MORC2: variants seen among roughly 807,000 people sequenced by gnomAD.
MORC2 encodes the protein ATPase MORC2.
Under a neutral mutation model 136.0 loss-of-function variants are expected in MORC2, and 30 were observed. That is an observed-to-expected ratio of 0.22 (90% CI 0.17 to 0.30). The LOEUF (loss-of-function observed/expected upper bound fraction) is 0.30. MORC2 is among the 10% of genes least tolerant of loss of function. The pLI, the probability that MORC2 is intolerant of heterozygous loss-of-function variation, is 1.00. For missense variants in MORC2, 922 were observed against 1,333.1 expected (o/e 0.69, Z 4.80); for synonymous variants, 439 against 487.0 (o/e 0.90, Z 1.30).
chr22:30,968,103 T>C lies in MORC2; in HGVS notation c.-214A>G, dbSNP rs2147338995. The C allele has an allele frequency of 1.9e-6, 1 of 537,928 alleles. No homozygotes were observed. The highest frequency in any genetic ancestry group is 3.3e-5 in the East Asian group (1 of 30,644). 33.3% of individuals were successfully genotyped at this position (537,928 alleles called of 1,614,324 possible). ...TTTTTTTAATCTTCTCAATGATTTA[T>C]GATGTAATATTTTGGAAGGAACTAT... On this transcript the variant is annotated 5_prime_UTR_variant, in exon 1 of 26. Transcript: ENST00000397641.
Position 30,937,097 on chromosome 22 carries a change from G to A in MORC2, c.1499-60C>T, listed in dbSNP as rs561792208. 1.8e-5 allele frequency: 24 copies of A among 1,300,734 alleles called. No homozygotes were observed. The highest frequency in any genetic ancestry group is 1.3e-4 in the Admixed American group (7 of 55,750). 80.6% of individuals were successfully genotyped at this position (1,300,734 alleles called of 1,614,324 possible). ...CGCCCACCAACTCTATCTGTAATCC[G>A]GGTTCCTCACAGGCCCACCACAATG... On this transcript the variant is annotated intron_variant, in intron 15 of 25. Transcript: ENST00000397641. This position sits in a 1 kb window ranked among gnomAD's most constrained non-coding sequence, Gnocchi z 4.7.
rs2040468008 is a variant in MORC2 at position 30,925,375 on chromosome 22, C to A, written c.*1428G>T. ...GTCTTCCAGCAGAAGAGGCCAGGGT[C>A]TCTCAGTGTACTACTCCAAACAGGC... On this transcript the variant is annotated 3_prime_UTR_variant, in exon 26 of 26. Coordinates refer to ENST00000397641, the MANE Select transcript of MORC2 (RefSeq NM_001303256.3). 1 of 230,118 alleles carries A rather than the reference C, an allele frequency of 4.3e-6. No individual in the cohort carries two copies. The highest frequency in any genetic ancestry group is 1.3e-4 in the East Asian group (1 of 7,844). 14.3% of individuals were successfully genotyped at this position (230,118 alleles called of 1,614,324 possible).
In MORC2 at chr22:30,937,457, A is replaced by G. The variant is rs2040670631; in HGVS notation, c.1498+126T>C. On this transcript the variant is annotated intron_variant, in intron 15 of 25. Coordinates refer to ENST00000397641, the MANE Select transcript of MORC2 (RefSeq NM_001303256.3). This position sits in a 1 kb window ranked among gnomAD's most constrained non-coding sequence, Gnocchi z 4.7. ...AGCTCACAGGGCCATCGTCAAACAG[A>G]CTTGGATCCCTAGGGGACTGTAAGT... The G allele has an allele frequency of 7.1e-7, 1 of 1,418,314 alleles. No homozygotes were observed. The highest frequency in any genetic ancestry group is 1.4e-5 in the African/African-American group (1 of 69,910). The allele number at this position is 1,418,314 out of a possible 1,614,324, so 87.9% of individuals were successfully genotyped here.
chr22:30,954,800 T>G (rs577549534), intron 3 of MORC2, among the ~76,000 whole-genome samples: 1 of 152,206 alleles, frequency 6.6e-6, no homozygotes, highest in Non-Finnish European at 1.5e-5. Flanking sequence ...TCAACATCAC[T>G]TGGAGAAGAG....
Position 30,929,223 on chromosome 22 carries a change from G to C in MORC2, c.2842-1016C>G, listed in dbSNP as rs1480904371. Among the ~76,000 whole-genome samples, 5 of 152,268 alleles carry C rather than the reference G, an allele frequency of 3.3e-5. No homozygotes were observed. The East Asian group carries it at 9.6e-4, about 29-fold the overall frequency. The stretch of plus-strand genomic sequence containing the variant: ...GCAATCTCCAAAGTATTAAAATTCA[G>C]TATACAACATCTTGAAAGTAGACAT... On this transcript the variant is annotated intron_variant, in intron 24 of 25. Coordinates refer to ENST00000397641, the MANE Select transcript of MORC2 (RefSeq NM_001303256.3).
In MORC2 at chr22:30,937,583, C is replaced by T. The variant is rs201852637; in HGVS notation, c.1498G>A (p.Asp500Asn). Residue 500 changes from aspartate to asparagine, a missense_variant and splice_region_variant, in exon 15 of 26, where the codon GAT (aspartate) becomes AAT (asparagine). Asp to Asn is a conservative substitution (Grantham distance 23). This residue lies in a region of MORC2 where 119 missense variants were observed against 202.7 expected (regional missense o/e 0.59). Coordinates refer to ENST00000397641, the MANE Select transcript of MORC2 (RefSeq NM_001303256.3). This position sits in a 1 kb window ranked among gnomAD's most constrained non-coding sequence, Gnocchi z 4.7. ...GGGGGGGTCCAACCACCCAACTCAC[C>T]GCACTGGATGGTGGTGGGGATTTCC... ...AMEIPTTIQC[D>N]LCLKWRTLPF... 2.5e-6 allele frequency: 4 copies of T among 1,612,420 alleles called. No individual in the cohort carries two copies. Among genetic ancestry groups the T allele is most frequent in the African/African-American group, 1.3e-5 (1 of 74,994 alleles).
Position 30,932,759 on chromosome 22 carries a change from C to T in MORC2, c.2533G>A (p.Gly845Ser). ...TTCATCAGCCGCACATCCTCACTGC[C>T]TTTCTCCACCCTGTGGAAGACACAC... ...TTPRDRWVEK[G>S]SEDVRLMKPP... Residue 845 changes from glycine (G) to serine (S), a missense_variant, in exon 23 of 26, where the codon GGC (glycine) becomes AGC (serine). By Grantham distance (56) the Gly-to-Ser change is moderately conservative. Transcript: ENST00000397641. This position sits in a 1 kb window ranked among gnomAD's most constrained non-coding sequence, Gnocchi z 4.4. The T allele has an allele frequency of 6.2e-7, 1 of 1,614,176 alleles. No individual in the cohort carries two copies. The highest frequency in any genetic ancestry group is 8.5e-7 in the Non-Finnish European group (1 of 1,180,014).
In MORC2 at chr22:30,934,324, A is replaced by C. The variant is rs1447318115; in HGVS notation, c.2194-133T>G. 10 of 1,334,136 alleles carry C rather than the reference A, an allele frequency of 7.5e-6. No homozygotes were observed. The African/African-American group carries it at 1.2e-4, about 16-fold the overall frequency. 82.6% of individuals were successfully genotyped at this position (1,334,136 alleles called of 1,614,324 possible). ...GCAATCCCTGCCTGACATTACTTGG[A>C]ATGTACACAGGCAACCCACTGGCCC... On this transcript the variant is annotated intron_variant, in intron 19 of 25. Transcript: ENST00000397641. The surrounding 1 kb of genome is among the most constrained non-coding windows in gnomAD (Gnocchi z 4.4).
intron 20 of MORC2, among the ~76,000 whole-genome samples, chr22:30,933,750 A>G (rs894250332): frequency 6.6e-6 from 1 of 152,172 alleles, no homozygotes; most frequent in Non-Finnish European, 1.5e-5. Context: ...TTCAAGCCTC[A>G]CTGATGTACG....
intron 10 of MORC2, 57 bp from the exon 11 acceptor site, chr22:30,940,098 C>A (rs2040720124): frequency 1.9e-6 from 3 of 1,548,928 alleles, no homozygotes; most frequent in Admixed American, 1.7e-5. Flanking sequence ...TCTTGGTCAT[C>A]CCTCCTGGAT....
Position 30,932,545 on chromosome 22 carries a change from C to G in MORC2, c.2747G>C (p.Arg916Pro). The change falls in exon 23 of 26, where the codon CGG becomes CCG. Residue 916 changes from arginine (R) to proline (P), a missense_variant and splice_region_variant. Around this residue, in one of 9 missense-constraint regions of MORC2, gnomAD observed 263 missense variants for 388.3 expected, o/e 0.68. Transcript: ENST00000397641. The surrounding 1 kb of genome is among the most constrained non-coding windows in gnomAD (Gnocchi z 4.4). ...GTGGGAAGACAAAAGACACATGTAC[C>G]GGAGGATCTGGACAAGCAGGTCGAT... is the stretch of plus-strand genomic sequence containing the variant. ...ETIDLLVQIL[R>P]NCLRYFLPPS... The G allele has an allele frequency of 6.2e-7, 1 of 1,614,024 alleles. No individual in the cohort carries two copies. The highest frequency in any genetic ancestry group is 2.2e-5 in the East Asian group (1 of 44,864).
intron 3 of MORC2, 67 bp from the exon 4 acceptor site, chr22:30,950,512 A>G (rs2040872776): frequency 6.9e-7 from 1 of 1,456,742 alleles, no homozygotes; most frequent in South Asian, 1.2e-5. Flanking sequence ...GCCTATGATC[A>G]GAAGGCAGAT....
chr22:30,932,228 G>T lies in MORC2; in HGVS notation c.2841+131C>A. ...TCTTTCAGCAGGAGAGAGGCTGGCT[G>T]AGATGGAGCACACAGCTGAGAGCTA... On this transcript the variant is annotated intron_variant, in intron 24 of 25. Coordinates refer to ENST00000397641, the MANE Select transcript of MORC2 (RefSeq NM_001303256.3). This position sits in a 1 kb window ranked among gnomAD's most constrained non-coding sequence, Gnocchi z 4.4. 1.2e-6 allele frequency: 1 copy of T among 829,344 alleles called. No individual in the cohort carries two copies. The highest frequency in any genetic ancestry group is 1.9e-6 in the Non-Finnish European group (1 of 518,182). 51.4% of individuals were successfully genotyped at this position (829,344 alleles called of 1,614,324 possible). A position where few individuals can be genotyped will look rare whatever the true frequency, so the allele number is the denominator to read the frequency against.
chr22:30,948,695 A>T (rs767221464), intron 5 of MORC2, among the ~76,000 whole-genome samples: 15 of 152,222 alleles, frequency 9.9e-5, no homozygotes, highest in Non-Finnish European at 2.1e-4. Flanking sequence ...CTAGCGCTCT[A>T]CACATAGGCA....
In MORC2 at chr22:30,967,935, T is replaced by C; in HGVS notation, c.-46A>G. 7.1e-7 allele frequency: 1 copy of C among 1,407,644 alleles called. No homozygotes were observed. The highest frequency in any genetic ancestry group is 9.8e-7 in the Non-Finnish European group (1 of 1,016,572). The allele number at this position is 1,407,644 out of a possible 1,614,324, so 87.2% of individuals were successfully genotyped here. On this transcript the variant is annotated 5_prime_UTR_variant, in exon 1 of 26. Transcript: ENST00000397641. Reference sequence around the variant, plus strand: ...CCCTTCACCCGCTAACTGGGAAATATAACCTTATAATGATATCGATTTCCC... The same window carrying C: ...CCCTTCACCCGCTAACTGGGAAATACAACCTTATAATGATATCGATTTCCC...
intron 1 of MORC2, among the ~76,000 whole-genome samples, chr22:30,961,542 A>G (rs1364711877): frequency 6.6e-6 from 1 of 152,202 alleles, no homozygotes; most frequent in Non-Finnish European, 1.5e-5. Context: ...TTTTATCCCA[A>G]TTCTTCTCAT....
chr22:30,944,467 T>C (rs1326448769), intron 6 of MORC2, among the ~76,000 whole-genome samples: 1 of 151,886 alleles, frequency 6.6e-6, no homozygotes, highest in African/African-American at 2.4e-5. Flanking sequence ...CTGGCCCCCT[T>C]CTCCTCTCCC....
rs1434338962 is a variant in MORC2 at position 30,925,287 on chromosome 22, G to A, written c.*1516C>T. ...CAAAAGTGGACCCCATGCTGCCTGA[G>A]ATGAAGAGAGAGAGCAGGATGGCAG... is the stretch of plus-strand genomic sequence containing the variant. On this transcript the variant is annotated 3_prime_UTR_variant, in exon 26 of 26. Transcript: ENST00000397641. The A allele has an allele frequency of 1.7e-5, 5 of 289,584 alleles. No homozygotes were observed. The highest frequency in any genetic ancestry group is 1.3e-4 in the South Asian group (4 of 30,784). The allele number at this position is 289,584 out of a possible 1,614,324, so 17.9% of individuals were successfully genotyped here. A position where few individuals can be genotyped will look rare whatever the true frequency, so the allele number is the denominator to read the frequency against.
At chr22:30,964,508 G>T (rs2041095748) in intron 1 of MORC2, among the ~76,000 whole-genome samples, 1 of 152,150 alleles carries the variant, frequency 6.6e-6, no homozygotes, top group Non-Finnish European at 1.5e-5. Flanking sequence ...CAAACAAAGT[G>T]ACTTAATATA....
Sources: allele counts gnomAD v4.1 joint callset (sites outside exome capture counted in the v4.1 genomes callset), GRCh38; gene constraint gnomAD v4.1.1; regional missense constraint gnomAD v4.1.1; non-coding constraint Gnocchi (gnomAD v3.1); transcripts MANE v1.5; gene names NCBI Gene and HGNC (gene_info 2026-07-23, HGNC 2026-07-21).